Variants in HIPK2 observed in about 807,000 individuals in gnomAD.
HIPK2 encodes the protein homeodomain-interacting protein kinase 2.
HIPK2 carries 27 observed loss-of-function variants against 113.7 expected under a neutral mutation model. The observed-to-expected ratio is 0.24, with a 90% CI of 0.17 to 0.33. The LOEUF (loss-of-function observed/expected upper bound fraction) is 0.33. Among genes scored for constraint, HIPK2 ranks in the 10% least tolerant of loss-of-function variants. HIPK2 has a pLI of 1.00. For missense variants in HIPK2, 1,257 were observed against 1,588.0 expected (o/e 0.79, Z 3.54); for synonymous variants, 631 against 642.2 (o/e 0.98, Z 0.26).
intron 2 of HIPK2, among the ~76,000 whole-genome samples, chr7:139,637,893 G>A (rs771281889): frequency 6.6e-6 from 1 of 152,122 alleles, no homozygotes; most frequent in Non-Finnish European, 1.5e-5. Context: ...AGAGGGGCAC[G>A]AGCAACCCGG....
At chr7:139,752,439 T>C (rs547534499) in intron 1 of HIPK2, among the ~76,000 whole-genome samples, 3 of 152,308 alleles carry the variant, frequency 2.0e-5, no homozygotes, top group African/African-American at 7.2e-5. Context: ...GGTTTATCAC[T>C]ACTCAACGTG....
chr7:139,777,779 G>C lies in HIPK2; in HGVS notation c.-156C>G, dbSNP rs1796812769. 1 of 637,844 alleles carries C rather than the reference G, an allele frequency of 1.6e-6. No individual in the cohort carries two copies. Among genetic ancestry groups the C allele is most frequent in the Non-Finnish European group, 2.0e-6 (1 of 512,436 alleles). The allele number at this position is 637,844 out of a possible 1,614,324, so 39.5% of individuals were successfully genotyped here. On this transcript the variant is annotated 5_prime_UTR_variant, in exon 1 of 15. Coordinates refer to ENST00000406875, the MANE Select transcript of HIPK2 (RefSeq NM_022740.5). ...CGCGCCCGCATCACCGCCTCCCGTG[G>C]CCGGCGCCGGGGGAGGGGGCCGGGC... is the stretch of plus-strand genomic sequence containing the variant.
Position 139,562,253 on chromosome 7 carries a change from G to A in HIPK2, c.*10674C>T, listed in dbSNP as rs751419895. On this transcript the variant is annotated 3_prime_UTR_variant, in exon 15 of 15. Transcript: ENST00000406875. ...TTATTACAGAAACCGTACGGTGAAG[G>A]AACACAACAGACCAGGGCTTTCATA... 2 of 152,190 alleles carry A rather than the reference G, an allele frequency of 1.3e-5. No homozygotes were observed. Among genetic ancestry groups the A allele is most frequent in the Non-Finnish European group, 2.9e-5 (2 of 68,028 alleles). 9.4% of individuals were successfully genotyped at this position (152,190 alleles called of 1,614,324 possible).
intron 2 of HIPK2, among the ~76,000 whole-genome samples, chr7:139,637,930 A>G (rs1382447261): frequency 6.6e-6 from 1 of 152,186 alleles, no homozygotes; most frequent in Non-Finnish European, 1.5e-5. Flanking sequence ...CAGGGCAGAC[A>G]GCAGGAGTGC....
At chr7:139,647,119 G>GTT (rs3047860) in intron 2 of HIPK2, among the ~76,000 whole-genome samples, 31 of 142,490 alleles carry the variant, frequency 2.2e-4, no homozygotes, top group South Asian at 6.8e-4. Flanking sequence ...TGCACTGATA[G>GTT]TTTTTTTTTT....
At chr7:139,593,041 T>C (rs564975963) in intron 12 of HIPK2, among the ~76,000 whole-genome samples, 1 of 152,310 alleles carries the variant, frequency 6.6e-6, no homozygotes, top group African/African-American at 2.4e-5. Flanking sequence ...AGACTCCCTA[T>C]GGCCCTGGCA....
At chr7:139,740,943 T>G (rs1796082744) in intron 1 of HIPK2, among the ~76,000 whole-genome samples, 4 of 152,064 alleles carry the variant, frequency 2.6e-5, no homozygotes, top group Admixed American at 2.6e-4. Context: ...GGTCAGGAGT[T>G]CAAGACCAGC....
At chr7:139,690,824 A>G (rs561414501) in intron 2 of HIPK2, among the ~76,000 whole-genome samples, 2 of 152,296 alleles carry the variant, frequency 1.3e-5, no homozygotes, top group East Asian at 3.9e-4. Flanking sequence ...GCAGATGACC[A>G]ATCTTGAACT....
chr7:139,705,551 G>GT (rs2116881259), intron 2 of HIPK2, among the ~76,000 whole-genome samples: 1 of 152,114 alleles, frequency 6.6e-6, no homozygotes, highest in African/African-American at 2.4e-5. Flanking sequence ...TGATTTTTTG[G>GT]TATTTTTAGT....
intron 2 of HIPK2, among the ~76,000 whole-genome samples, chr7:139,659,538 T>G (rs554682261): frequency 1.6e-4 from 25 of 152,236 alleles, no homozygotes; most frequent in Non-Finnish European, 3.4e-4. Context: ...GGGCTATTAG[T>G]GTCCCAGGTC....
At chr7:139,759,852 G>GA (rs1381125064) in intron 1 of HIPK2, among the ~76,000 whole-genome samples, 5 of 151,400 alleles carry the variant, frequency 3.3e-5, no homozygotes, top group African/African-American at 7.3e-5. Context: ...TAATAAAAAA[G>GA]AAAAAAAACA....
intron 1 of HIPK2, among the ~76,000 whole-genome samples, chr7:139,728,629 T>C (rs1795663402): frequency 6.6e-6 from 1 of 152,168 alleles, no homozygotes; most frequent in Admixed American, 6.5e-5. Flanking sequence ...TACCTCCAAA[T>C]AAAGTCACAT....
chr7:139,639,077 G>A (rs1321184694), intron 2 of HIPK2, among the ~76,000 whole-genome samples: 1 of 152,160 alleles, frequency 6.6e-6, no homozygotes, highest in African/African-American at 2.4e-5. Context: ...AAGCTGCTTC[G>A]TAAACAGCTG....
intron 2 of HIPK2, among the ~76,000 whole-genome samples, chr7:139,672,649 G>A (rs577997417): frequency 1.3e-5 from 2 of 152,172 alleles, no homozygotes; most frequent in South Asian, 4.1e-4. Flanking sequence ...CAGTAGTGAT[G>A]GGGTTTCGCC....
chr7:139,692,377 C>T (rs759157489), intron 2 of HIPK2, among the ~76,000 whole-genome samples: 4 of 152,074 alleles, frequency 2.6e-5, no homozygotes, highest in Admixed American at 1.3e-4. Context: ...GGTGTCAGGC[C>T]CTCCCCGAGA....
intron 1 of HIPK2, among the ~76,000 whole-genome samples, chr7:139,747,029 G>C (rs1469184235): frequency 6.6e-6 from 1 of 152,198 alleles, no homozygotes; most frequent in African/African-American, 2.4e-5. Context: ...AAAGCCGCTG[G>C]TGATACAATG....
intron 6 of HIPK2, among the ~76,000 whole-genome samples, chr7:139,626,263 C>T (rs1800425262): frequency 6.6e-6 from 1 of 152,006 alleles, no homozygotes; most frequent in South Asian, 2.1e-4. Flanking sequence ...CCACCACACC[C>T]AGCTGATTTT....
intron 1 of HIPK2, among the ~76,000 whole-genome samples, chr7:139,776,769 T>C (rs2117194782): frequency 6.6e-6 from 1 of 152,326 alleles, no homozygotes; most frequent in East Asian, 1.9e-4. Flanking sequence ...TGTAAAAACT[T>C]AGTTGATTCT....
At chr7:139,626,504 T>C (rs564877788) in intron 6 of HIPK2, 97 bp downstream of exon 6, 2 of 1,319,450 alleles carry the variant, frequency 1.5e-6, no homozygotes, top group African/African-American at 2.9e-5. Context: ...TGAGTAGTTG[T>C]TACCAAGACC....
Sources: gnomAD v4.1 joint callset for allele counts (sites outside exome capture counted in the v4.1 genomes callset) on GRCh38, gnomAD v4.1.1 for gene constraint, MANE v1.5 for transcripts, NCBI Gene and HGNC (gene_info 2026-07-23, HGNC 2026-07-21) for gene names.